Variants in DEPDC1 observed in about 807,000 individuals in gnomAD.
DEPDC1 encodes DEP domain-containing protein 1A.
In DEPDC1, 66 loss-of-function variants were observed where a neutral mutation model predicts 86.8. The ratio of observed to expected loss-of-function variants is 0.76; its 90% CI spans 0.62 to 0.93. DEPDC1 has a LOEUF of 0.93. DEPDC1 is among the 40% of genes least tolerant of loss of function. The pLI is 0.00. For missense variants in DEPDC1, 792 were observed against 935.7 expected (o/e 0.85, Z 2.00); for synonymous variants, 255 against 314.9 (o/e 0.81, Z 2.02).
intron 5 of DEPDC1, 82 bp from the exon 6 acceptor site, chr1:68,487,066 TTATATATA>T (rs1281330704): frequency 1.5e-6 from 2 of 1,290,650 alleles, no homozygotes; most frequent in Non-Finnish European, 2.1e-6. Flanking sequence ...TTACGTGCAA[TTATATATA>T]TGTATATACA....
chr1:68,496,900 T>C lies in DEPDC1; in HGVS notation c.48+52A>G, dbSNP rs746399432. The C allele has an allele frequency of 2.5e-6, 4 of 1,587,564 alleles. No individual in the cohort carries two copies. The highest frequency in any genetic ancestry group is 3.4e-6 in the Non-Finnish European group (4 of 1,159,818). ...ACGGTCGAGGTAAAACTGCGAACAG[T>C]GGTGACTGCCGTCAGCCCGCTGACC... On this transcript the variant is annotated intron_variant, in intron 1 of 11. Transcript: ENST00000456315. This position sits in a 1 kb window ranked among gnomAD's most constrained non-coding sequence, Gnocchi z 4.0.
rs370816623 is a variant in DEPDC1, at chr1:68,489,619, A to T, written c.315-11T>A. 4 of 1,522,306 alleles carry T rather than the reference A, an allele frequency of 2.6e-6. No homozygotes were observed. In the African/African-American group the frequency reaches 5.8e-5, roughly 22 times the overall value. The allele number at this position is 1,522,306 out of a possible 1,614,324, so 94.3% of individuals were successfully genotyped here. ...GAAGTTGCAGGAAATCTGGTTTAAA[A>T]ACAATAAGCAATTAAATAATGTGAG... is the stretch of plus-strand genomic sequence containing the variant. On this transcript the variant is annotated splice_polypyrimidine_tract_variant and intron_variant, in intron 2 of 11. Coordinates refer to ENST00000456315, the MANE Select transcript of DEPDC1 (RefSeq NM_001114120.3).
At chr1:68,478,914 T>A (rs1168541139) in intron 10 of DEPDC1, among the ~76,000 whole-genome samples, 1 of 152,000 alleles carries the variant, frequency 6.6e-6, no homozygotes, top group African/African-American at 2.4e-5. Context: ...GCCACATTCC[T>A]CATCATGTGA....
chr1:68,489,663 GA>G, intron 2 of DEPDC1, 55 bp from the exon 3 acceptor site: 7 of 1,380,844 alleles, frequency 5.1e-6, no homozygotes, highest in Non-Finnish European at 6.8e-6. Flanking sequence ...CAAACTTTTA[GA>G]GCCTATTTTT....
intron 2 of DEPDC1, among the ~76,000 whole-genome samples, chr1:68,493,777 G>C (rs1043936450): frequency 2.0e-5 from 3 of 152,134 alleles, no homozygotes; most frequent in Admixed American, 6.6e-5. Flanking sequence ...GTGCAGTGGT[G>C]CAATCTCAGC....
rs914009608 is a variant in DEPDC1 at position 68,496,880 on chromosome 1, C to A, written c.48+72G>T. The A allele has an allele frequency of 1.3e-5, 19 of 1,501,296 alleles. No individual in the cohort carries two copies. In the Admixed American group the frequency reaches 1.9e-4, roughly 15 times the overall value. 93.0% of individuals were successfully genotyped at this position (1,501,296 alleles called of 1,614,324 possible). ...CGACCGAGGTAAAACTGCGAACGGTCGAGGTAAAACTGCGAACAGTGGTGA... is the reference window on the plus strand; with the variant it reads ...CGACCGAGGTAAAACTGCGAACGGTAGAGGTAAAACTGCGAACAGTGGTGA... On this transcript the variant is annotated intron_variant, in intron 1 of 11. Coordinates refer to ENST00000456315, the MANE Select transcript of DEPDC1 (RefSeq NM_001114120.3). This position sits in a 1 kb window ranked among gnomAD's most constrained non-coding sequence, Gnocchi z 4.0.
At chr1:68,493,923 T>G (rs1646246134) in intron 2 of DEPDC1, among the ~76,000 whole-genome samples, 2 of 152,120 alleles carry the variant, frequency 1.3e-5, no homozygotes, top group South Asian at 2.1e-4. Context: ...GGTCTCAAAC[T>G]CCTAGCTTCA....
chr1:68,491,651 AC>A (rs1370120315), intron 2 of DEPDC1, among the ~76,000 whole-genome samples: 3 of 152,222 alleles, frequency 2.0e-5, no homozygotes, highest in African/African-American at 7.2e-5. Context: ...ATATAAACTT[AC>A]AGTTTCATAA....
In DEPDC1 at chr1:68,476,711, CAA is replaced by C; in HGVS notation, c.*219_*220del. 1 of 379,482 alleles carries C rather than the reference CAA, an allele frequency of 2.6e-6. No individual in the cohort carries two copies. Among genetic ancestry groups the C allele is most frequent in the East Asian group, 4.1e-5 (1 of 24,238 alleles). The allele number at this position is 379,482 out of a possible 1,614,324, so 23.5% of individuals were successfully genotyped here. A position where few individuals can be genotyped will look rare whatever the true frequency, so the allele number is the denominator to read the frequency against. ...CCTTACTGGATAGCTGTGTTAAAAA[CAA>C]AAAGTATTTGGTATCATCTATTGTT... On this transcript the variant is annotated 3_prime_UTR_variant, in exon 12 of 12. Coordinates refer to ENST00000456315, the MANE Select transcript of DEPDC1 (RefSeq NM_001114120.3).
chr1:68,487,085 C>T, intron 5 of DEPDC1, 101 bp from the exon 6 acceptor site: 14 of 896,326 alleles, frequency 1.6e-5, no homozygotes, highest in Non-Finnish European at 1.9e-5. Context: ...TGTATATACA[C>T]ATACACATAC....
intron 9 of DEPDC1, 138 bp from the exon 10 acceptor site, chr1:68,479,458 G>A: frequency 6.9e-6 from 4 of 576,354 alleles, no homozygotes; most frequent in African/African-American, 3.9e-5. Flanking sequence ...TGAGGACAAC[G>A]ATTTATACAG....
chr1:68,476,999 C>A lies in DEPDC1; in HGVS notation c.2369G>T (p.Gly790Val). 1 of 1,606,422 alleles carries A rather than the reference C, an allele frequency of 6.2e-7. No homozygotes were observed. ...TGGTTGCTTGATTGTAGGTTTGTCACCAAAAAGTGCTGCTTCACTCTCCGT... is the reference window on the plus strand; with the variant it reads ...TGGTTGCTTGATTGTAGGTTTGTCAACAAAAAGTGCTGCTTCACTCTCCGT... ...PTTESEAALF[G>V]DKPTIKQPML... is the part of the protein sequence containing the mutation. The change falls in exon 12 of 12, where the codon GGT (glycine) becomes GTT (valine). Residue 790 changes from glycine (G) to valine (V), a missense_variant. Physicochemically the swap from Gly to Val is moderately radical, Grantham distance 109. Coordinates refer to ENST00000456315, the MANE Select transcript of DEPDC1 (RefSeq NM_001114120.3).
Position 68,496,675 on chromosome 1 carries a change from C to A in DEPDC1, c.48+277G>T, listed in dbSNP as rs778112166. 1.2e-4 allele frequency: 47 copies of A among 386,932 alleles called. No homozygotes were observed. Among genetic ancestry groups the A allele is most frequent in the Admixed American group, 4.4e-5 (1 of 22,832 alleles). 24.0% of individuals were successfully genotyped at this position (386,932 alleles called of 1,614,324 possible). A position where few individuals can be genotyped will look rare whatever the true frequency, so the allele number is the denominator to read the frequency against. ...CGCCCCCACGGGACGCCGGCCACACCAGGCACAGGAGTCGCTCCTCATAGC... is the reference window on the plus strand; with the variant it reads ...CGCCCCCACGGGACGCCGGCCACACAAGGCACAGGAGTCGCTCCTCATAGC... On this transcript the variant is annotated intron_variant, in intron 1 of 11. Coordinates refer to ENST00000456315, the MANE Select transcript of DEPDC1 (RefSeq NM_001114120.3). This position sits in a 1 kb window ranked among gnomAD's most constrained non-coding sequence, Gnocchi z 4.0.
intron 6 of DEPDC1, among the ~76,000 whole-genome samples, chr1:68,485,357 CT>C (rs1646186610): frequency 6.6e-6 from 1 of 151,988 alleles, no homozygotes; most frequent in South Asian, 2.1e-4. Flanking sequence ...GGTTTGAGCT[CT>C]AGCTCATTTG....
chr1:68,490,269 A>C (rs1462846033), intron 2 of DEPDC1, among the ~76,000 whole-genome samples: 1 of 151,804 alleles, frequency 6.6e-6, no homozygotes, highest in South Asian at 2.1e-4. Flanking sequence ...CTCCCTCCTC[A>C]CACCTTCCAT....
Position 68,494,511 on chromosome 1 carries a change from TTCC to T in DEPDC1, c.230_232del (p.Arg77del). ...TTCAATTACATGATTCTTAAGAAAT[TTCC>T]TCAACAGTTGGATAGTCTGTTGCCT... is the stretch of plus-strand genomic sequence containing the variant. On this transcript the variant is annotated inframe_deletion, in exon 2 of 12. Coordinates refer to ENST00000456315, the MANE Select transcript of DEPDC1 (RefSeq NM_001114120.3). 1 of 1,613,774 alleles carries T rather than the reference TTCC, an allele frequency of 6.2e-7. No homozygotes were observed. The highest frequency in any genetic ancestry group is 8.5e-7 in the Non-Finnish European group (1 of 1,179,782).
chr1:68,491,871 T>C (rs1319041581), intron 2 of DEPDC1, among the ~76,000 whole-genome samples: 1 of 151,822 alleles, frequency 6.6e-6, no homozygotes, highest in Non-Finnish European at 1.5e-5. Context: ...GGGCTCGGCC[T>C]CCCAAGTAGA....
chr1:68,482,762 A>G lies in DEPDC1; in HGVS notation c.1046T>C (p.Leu349Pro), dbSNP rs752340706. The change falls in exon 8 of 12, where the codon CTG becomes CCG. Residue 349 changes from leucine (L) to proline (P), a missense_variant. Leu to Pro is a moderately conservative substitution (Grantham distance 98). Coordinates refer to ENST00000456315, the MANE Select transcript of DEPDC1 (RefSeq NM_001114120.3). ...TTCTTTGTTTTTTTCTCTATGAAGC[A>G]GACTGAGAAGAAGGCACTCAGTTGA... ...FKSTECLLLS[L>P]LHREKNKEES... 1 of 1,612,634 alleles carries G rather than the reference A, an allele frequency of 6.2e-7. No individual in the cohort carries two copies.
At chr1:68,489,076 T>C (rs1255497035) in intron 3 of DEPDC1, 42 bp from the exon 4 acceptor site, 1 of 1,223,312 alleles carries the variant, frequency 8.2e-7, no homozygotes, top group African/African-American at 1.5e-5. Flanking sequence ...TATGCTCAAA[T>C]TTTTTAAATA....
Sources: allele counts gnomAD v4.1 joint callset (sites outside exome capture counted in the v4.1 genomes callset), GRCh38; gene constraint gnomAD v4.1.1; non-coding constraint Gnocchi (gnomAD v3.1); transcripts MANE v1.5; gene names NCBI Gene and HGNC (gene_info 2026-07-23, HGNC 2026-07-21).